Variants in FARS2 observed in about 807,000 individuals in gnomAD.
FARS2 encodes the protein phenylalanine--tRNA ligase, mitochondrial.
In FARS2, 40 loss-of-function variants were observed where a neutral mutation model predicts 46.4. The ratio of observed to expected loss-of-function variants is 0.86; its 90% CI spans 0.67 to 1.12. The LOEUF (loss-of-function observed/expected upper bound fraction) is 1.12, where lower values mean the gene tolerates loss of function less well. Among genes scored for constraint, FARS2 ranks in the 50% most tolerant of loss-of-function variants. The probability of loss-of-function intolerance (pLI) is 0.00; values close to 1 mark genes in which losing one functional copy is unlikely to be tolerated. For synonymous variants in FARS2, 234 were observed against 214.9 expected (o/e 1.09, Z -0.78); for missense variants, 513 against 567.9 (o/e 0.90, Z 0.98).
At chr6:5,438,717 G>A (rs1763676167) in intron 4 of FARS2, among the ~76,000 whole-genome samples, 2 of 152,064 alleles carry the variant, frequency 1.3e-5, no homozygotes, top group Non-Finnish European at 1.5e-5. Flanking sequence ...TGGAATATTT[G>A]CATTATACTT....
intron 1 of FARS2, among the ~76,000 whole-genome samples, chr6:5,356,565 A>T (rs1330678618): frequency 6.6e-6 from 1 of 152,130 alleles, no homozygotes; most frequent in Non-Finnish European, 1.5e-5. Flanking sequence ...CCTTACAGAG[A>T]AAACATGTAT....
intron 2 of FARS2, among the ~76,000 whole-genome samples, chr6:5,380,822 T>C (rs768087118): frequency 3.3e-5 from 5 of 152,148 alleles, no homozygotes; most frequent in Non-Finnish European, 7.3e-5. Flanking sequence ...TTGTAAACTT[T>C]TGTTAGTTTA....
At position 5,770,694 on chromosome 6, in the gene FARS2, C is replaced by G. The variant is rs184817946; in HGVS notation, c.1218-597C>G. Reference sequence around the variant, plus strand: ...CGTATTCCAGAATTACTCAGCTGTTCTATGCAAGCCAAGTCAACACCAATG... The same window carrying G: ...CGTATTCCAGAATTACTCAGCTGTTGTATGCAAGCCAAGTCAACACCAATG... On this transcript the variant is annotated intron_variant, in intron 6 of 6. Coordinates refer to ENST00000274680, the MANE Select transcript of FARS2 (RefSeq NM_006567.5). Among the ~76,000 whole-genome samples the G allele has an allele frequency of 9.2e-5, 14 of 152,294 alleles. 1 individual carries two copies. In the East Asian group the frequency reaches 2.5e-3, roughly 27 times the overall value.
chr6:5,467,982 T>C (rs1159229423), intron 4 of FARS2, among the ~76,000 whole-genome samples: 2 of 152,340 alleles, frequency 1.3e-5, no homozygotes, highest in East Asian at 3.9e-4. Flanking sequence ...CAACGTTTAT[T>C]ATTCATTTTC....
intron 4 of FARS2, among the ~76,000 whole-genome samples, chr6:5,484,493 GT>G (rs1766661242): frequency 2.0e-5 from 3 of 152,216 alleles, no homozygotes; most frequent in African/African-American, 7.2e-5. Context: ...CCAATTGAGT[GT>G]AACTGAGGAA....
chr6:5,665,219 GA>G (rs1778052801), intron 6 of FARS2: 1 of 152,338 alleles, frequency 6.6e-6, no homozygotes, highest in African/African-American at 2.4e-5. Flanking sequence ...TCACCCTGGA[GA>G]GTTGACATCT....
intron 3 of FARS2, among the ~76,000 whole-genome samples, chr6:5,408,915 A>C (rs1223288641): frequency 2.6e-5 from 4 of 152,190 alleles, no homozygotes; most frequent in Admixed American, 1.3e-4. Context: ...TATTTTAAAA[A>C]GTAAGCCATG....
rs780467389 is a variant in FARS2, at chr6:5,368,754, G to T, written c.184G>T (p.Asp62Tyr). ...GCTGGGCAAATCCTACCCTCAGGAC[G>T]ACCACAGCAACCTCACCCGGAAGGT... ...ELLGKSYPQD[D>Y]HSNLTRKVLT... is the part of the protein sequence containing the mutation. The change falls in exon 2 of 7, where the codon GAC (aspartate) becomes TAC (tyrosine). Residue 62 changes from aspartate (D) to tyrosine (Y), a missense_variant. By Grantham distance (160) the Asp-to-Tyr change is radical. Transcript: ENST00000274680. The T allele has an allele frequency of 6.8e-6, 11 of 1,614,114 alleles. No homozygotes were observed. In the South Asian group the frequency reaches 9.9e-5, roughly 15 times the overall value.
At chr6:5,525,849 G>T (rs1432773892) in intron 4 of FARS2, among the ~76,000 whole-genome samples, 1 of 152,220 alleles carries the variant, frequency 6.6e-6, no homozygotes, top group African/African-American at 2.4e-5. Context: ...TTTTCTGTTG[G>T]TGTAGATAGT....
chr6:5,523,590 C>T (rs115225725), intron 4 of FARS2, among the ~76,000 whole-genome samples: 2,729 of 152,172 alleles, frequency 0.018, 107 homozygotes, highest in African/African-American at 0.062. Flanking sequence ...CTGCTGCGGT[C>T]GGCTCAGCCG....
Position 5,386,959 on chromosome 6 carries a change from G to A in FARS2, c.613-17583G>A, listed in dbSNP as rs115837279. 4.5e-3 allele frequency among the ~76,000 whole-genome samples: 678 copies of A among 152,238 alleles called. 1 individual carries two copies. The highest frequency in any genetic ancestry group is 0.016 in the African/African-American group (645 of 41,530). On this transcript the variant is annotated intron_variant, in intron 2 of 6. Transcript: ENST00000274680. ...GCTGCATTCATCTAGGGGAAGGTACGCAGGGTAAAGACTGTAGAGGGCTGA... is the reference window on the plus strand; with the variant it reads ...GCTGCATTCATCTAGGGGAAGGTACACAGGGTAAAGACTGTAGAGGGCTGA...
Position 5,576,444 on chromosome 6 carries a change from A to G in FARS2, c.1065+31104A>G, listed in dbSNP as rs575473694. Among the ~76,000 whole-genome samples the G allele has an allele frequency of 6.5e-3, 990 of 152,110 alleles. 12 individuals carry two copies. The highest frequency in any genetic ancestry group is 0.022 in the African/African-American group (914 of 41,512). ...TCAAACATCAGACTCCAAGTTCTAC[A>G]GTTTTGGCACTCGTACTGGCTTTCG... On this transcript the variant is annotated intron_variant, in intron 5 of 6. Transcript: ENST00000274680.
chr6:5,333,345 T>C (rs188270355), intron 1 of FARS2, among the ~76,000 whole-genome samples: 65 of 152,258 alleles, frequency 4.3e-4, no homozygotes, highest in Non-Finnish European at 8.2e-4. Flanking sequence ...TTTTAAGAGG[T>C]TGAATGAATT....
At chr6:5,260,738 G>A, upstream of FARS2, 1 of 1,540,414 alleles carries the variant, frequency 6.5e-7, no homozygotes, top group African/African-American at 1.4e-5. Context: ...TGCCATTTTG[G>A]AAAGAAAAAA....
intron 1 of FARS2, among the ~76,000 whole-genome samples, chr6:5,315,707 T>C: frequency 6.6e-6 from 1 of 151,818 alleles, no homozygotes; most frequent in Non-Finnish European, 1.5e-5. Flanking sequence ...CTAAAGCGTA[T>C]ATTGATTTCT....
chr6:5,523,604 C>T (rs1280396889), intron 4 of FARS2, among the ~76,000 whole-genome samples: 2 of 152,152 alleles, frequency 1.3e-5, no homozygotes, highest in Admixed American at 6.5e-5. Context: ...TCAGCCGCTG[C>T]ATCAGACCTT....
chr6:5,438,083 C>T (rs528524946), intron 4 of FARS2, among the ~76,000 whole-genome samples: 1 of 151,498 alleles, frequency 6.6e-6, no homozygotes, highest in African/African-American at 2.4e-5. Context: ...AGATGTTGAT[C>T]CATTGTCTTC....
intron 1 of FARS2, among the ~76,000 whole-genome samples, chr6:5,354,354 A>T (rs1757779478): frequency 6.6e-6 from 1 of 152,166 alleles, no homozygotes; most frequent in Non-Finnish European, 1.5e-5. Flanking sequence ...TGACCAACGG[A>T]AATCAAAGGG....
rs1240765960 is a variant in FARS2 at position 5,681,037 on chromosome 6, G to A, written c.1217+67717G>A. Among the ~76,000 whole-genome samples the A allele has an allele frequency of 2.6e-5, 4 of 152,348 alleles. No homozygotes were observed. In the East Asian group the frequency reaches 5.8e-4, roughly 22 times the overall value. The stretch of plus-strand genomic sequence containing the variant: ...TCGCCCTCATAGAAGGCCGTGTTGA[G>A]TGTAAATCTCCAAGTTTGTGTTTTG... On this transcript the variant is annotated intron_variant, in intron 6 of 6. Coordinates refer to ENST00000274680, the MANE Select transcript of FARS2 (RefSeq NM_006567.5).
Sources: allele counts gnomAD v4.1 joint callset (sites outside exome capture counted in the v4.1 genomes callset), GRCh38; gene constraint gnomAD v4.1.1; transcripts MANE v1.5; gene names NCBI Gene and HGNC (gene_info 2026-07-23, HGNC 2026-07-21).